IL1RL2: variants seen among roughly 807,000 people sequenced by gnomAD.
IL1RL2 encodes interleukin 1 receptor like 2.
Under a neutral mutation model 66.8 loss-of-function variants are expected in IL1RL2, and 68 were observed. The observed-to-expected ratio is 1.02, with a 90% CI of 0.84 to 1.25. The LOEUF is 1.25. Among genes scored for constraint, IL1RL2 ranks in the 50% most tolerant of loss-of-function variants. IL1RL2 has a pLI of 0.00. For synonymous variants in IL1RL2, 305 were observed against 264.6 expected, an observed-to-expected ratio of 1.15 and a Z score of -1.48; for missense variants, 729 against 709.3, an observed-to-expected ratio of 1.03 and a Z score of -0.32.
intron 7 of IL1RL2, 64 bp from the exon 8 acceptor site, chr2:102,219,817 A>T: frequency 6.8e-7 from 1 of 1,462,446 alleles, no homozygotes; most frequent in South Asian, 1.3e-5. Context: ...TCCAGAAAAC[A>T]GATTATAAAA....
At chr2:102,192,215 T>C (rs1265645634) in intron 4 of IL1RL2, 95 bp downstream of exon 4, 9 of 806,098 alleles carry the variant, frequency 1.1e-5, no homozygotes, top group Non-Finnish European at 1.7e-5. Flanking sequence ...GCAGAATTGG[T>C]AAAGAAAGTT....
At position 102,192,025 on chromosome 2, in the gene IL1RL2, T is replaced by G; in HGVS notation, c.394T>G (p.Tyr132Asp). ...IGGLPNLSDEYKQILHLGKDD... is the reference protein window; with the variant it reads ...IGGLPNLSDEDKQILHLGKDD... ...TGGTTTACCAAATTTATCAGATGAG[T>G]ACAAGCAAATATTACATCTTGGAAA... The change falls in exon 4 of 12, where the codon TAC becomes GAC. Residue 132 changes from tyrosine to aspartate, a missense_variant. Tyr to Asp is a radical substitution (Grantham distance 160, BLOSUM62 -3). Transcript: ENST00000264257. 3 of 1,612,808 alleles carry G rather than the reference T, an allele frequency of 1.9e-6. 1 individual carries two copies. In the South Asian group the frequency reaches 3.3e-5, roughly 18 times the overall value.
chr2:102,225,799 G>T, intron 8 of IL1RL2, 99 bp from the exon 9 acceptor site: 1 of 903,080 alleles, frequency 1.1e-6, no homozygotes, highest in Non-Finnish European at 1.5e-6. Context: ...CTTTCCATTT[G>T]GCATTCATAA....
intron 2 of IL1RL2, 65 bp downstream of exon 2, chr2:102,187,990 G>T: frequency 6.7e-7 from 1 of 1,484,644 alleles, no homozygotes. Context: ...GCCTGTCATT[G>T]GGAGCCCCCG....
chr2:102,199,697 A>G (rs1297400522), intron 4 of IL1RL2, among the ~76,000 whole-genome samples: 1 of 152,240 alleles, frequency 6.6e-6, no homozygotes, highest in Non-Finnish European at 1.5e-5. Context: ...GCTGAACTTT[A>G]AGATGATTAA....
At chr2:102,197,661 G>C (rs1212859425) in intron 4 of IL1RL2, among the ~76,000 whole-genome samples, 1 of 152,230 alleles carries the variant, frequency 6.6e-6, no homozygotes, top group Admixed American at 6.5e-5. Flanking sequence ...TAAAGGTGAG[G>C]ATGGAGGATC....
At chr2:102,220,314 T>C (rs528453415) in intron 8 of IL1RL2, among the ~76,000 whole-genome samples, 43 of 152,214 alleles carry the variant, frequency 2.8e-4, no homozygotes, top group Non-Finnish European at 5.3e-4. Flanking sequence ...GATTGCCAAA[T>C]GTTTTGCTTT....
In IL1RL2 at chr2:102,201,727, C is replaced by T; in HGVS notation, c.649+12C>T. ...CACTGTGAGCATTAGTAAGTATGCTCATGTATGCCTGTCGCCTTGTATTCT... is the reference window on the plus strand; with the variant it reads ...CACTGTGAGCATTAGTAAGTATGCTTATGTATGCCTGTCGCCTTGTATTCT... On this transcript the variant is annotated intron_variant, in intron 5 of 11. Coordinates refer to ENST00000264257, the MANE Select transcript of IL1RL2 (RefSeq NM_003854.4). 4 of 1,610,872 alleles carry T rather than the reference C, an allele frequency of 2.5e-6. No homozygotes were observed. The highest frequency in any genetic ancestry group is 1.1e-5 in the South Asian group (1 of 90,840).
intron 11 of IL1RL2, 37 bp from the exon 12 acceptor site, chr2:102,239,155 A>G: frequency 1.2e-6 from 2 of 1,605,022 alleles, no homozygotes; most frequent in East Asian, 2.2e-5. Context: ...CTCCCACCAC[A>G]TCAGAAAAGG....
At chr2:102,206,009 A>G (rs1431667571) in intron 5 of IL1RL2, among the ~76,000 whole-genome samples, 1 of 152,030 alleles carries the variant, frequency 6.6e-6, no homozygotes, top group East Asian at 1.9e-4. Context: ...TGCTTGATAC[A>G]TTCCTCTATT....
At chr2:102,235,533 T>G (rs1674802593) in intron 11 of IL1RL2, 1 of 985,302 alleles carries the variant, frequency 1.0e-6, no homozygotes, top group Non-Finnish European at 1.2e-6. Flanking sequence ...GCCCACTCAC[T>G]GAGGCCTGGA....
intron 9 of IL1RL2, among the ~76,000 whole-genome samples, chr2:102,228,729 T>C (rs1690858543): frequency 6.6e-6 from 1 of 152,218 alleles, no homozygotes; most frequent in African/African-American, 2.4e-5. Context: ...GTAGAGTTAA[T>C]GACACCTTTA....
intron 6 of IL1RL2, among the ~76,000 whole-genome samples, chr2:102,214,923 C>T (rs933355655): frequency 4.0e-5 from 6 of 150,344 alleles, no homozygotes; most frequent in African/African-American, 1.5e-4. Flanking sequence ...CGCTGGAGTG[C>T]AGCATGGAAA....
downstream of IL1RL2, among the ~76,000 whole-genome samples, chr2:102,242,806 A>T (rs1675261267): frequency 6.6e-6 from 1 of 152,200 alleles, no homozygotes; most frequent in Non-Finnish European, 1.5e-5. Context: ...TATAAGGTAA[A>T]CCATCACATG....
At chr2:102,217,070 CAT>C (rs1578156756) in intron 6 of IL1RL2, among the ~76,000 whole-genome samples, 1 of 152,226 alleles carries the variant, frequency 6.6e-6, no homozygotes, top group African/African-American at 2.4e-5. Flanking sequence ...TTAGTTTTCA[CAT>C]GTTTTTATGA....
At chr2:102,203,677 A>C (rs1311053238) in intron 5 of IL1RL2, among the ~76,000 whole-genome samples, 1 of 152,070 alleles carries the variant, frequency 6.6e-6, no homozygotes, top group East Asian at 1.9e-4. Context: ...CATTTCTTCT[A>C]GAGGGATTTC....
At chr2:102,238,757 A>G (rs1675084246) in intron 11 of IL1RL2, among the ~76,000 whole-genome samples, 1 of 152,154 alleles carries the variant, frequency 6.6e-6, no homozygotes, top group Admixed American at 6.5e-5. Flanking sequence ...TCTGAATGTT[A>G]GAGGCCACAC....
At chr2:102,225,041 C>G (rs1007014205) in intron 8 of IL1RL2, among the ~76,000 whole-genome samples, 2 of 152,178 alleles carry the variant, frequency 1.3e-5, no homozygotes, top group African/African-American at 2.4e-5. Flanking sequence ...CTTCCTGTCT[C>G]TCTCTTCCCC....
At chr2:102,220,755 G>C (rs184056332) in intron 8 of IL1RL2, among the ~76,000 whole-genome samples, 2 of 152,160 alleles carry the variant, frequency 1.3e-5, no homozygotes, top group East Asian at 1.9e-4. Flanking sequence ...ACTTGAATTT[G>C]CTGATGTCCT....
Sources: gnomAD v4.1 joint callset for allele counts (sites outside exome capture counted in the v4.1 genomes callset) on GRCh38, gnomAD v4.1.1 for gene constraint, MANE v1.5 for transcripts, NCBI Gene and HGNC (gene_info 2026-07-23, HGNC 2026-07-21) for gene names.